The following EWSR1 variants were observed in gnomAD, a reference collection of about 807,000 sequenced individuals.
EWSR1 encodes EWS RNA binding protein 1.
EWSR1 carries 14 observed loss-of-function variants against 92.1 expected under a neutral mutation model. The observed-to-expected ratio is 0.15, with a 90% CI of 0.10 to 0.24. The LOEUF is 0.24. Among genes scored for constraint, EWSR1 ranks in the 10% least tolerant of loss-of-function variants. The pLI is 1.00. For synonymous variants in EWSR1, 303 were observed against 292.9 expected, an observed-to-expected ratio of 1.03 and a Z score of -0.35; for missense variants, 637 against 870.9, an observed-to-expected ratio of 0.73 and a Z score of 3.38.
chr22:29,300,331 A>G lies in EWSR1; in HGVS notation c.*170A>G, dbSNP rs573094995. On this transcript the variant is annotated 3_prime_UTR_variant, in exon 17 of 17. Coordinates refer to ENST00000397938, the MANE Select transcript of EWSR1 (RefSeq NM_005243.4). The stretch of plus-strand genomic sequence containing the variant: ...GTGAAGAAACATTAAAACAAGTTAA[A>G]TGGTAGTGTGCGGAGTTTTTTTTTC... 1.9e-5 allele frequency: 13 copies of G among 678,738 alleles called. No homozygotes were observed. Among genetic ancestry groups the G allele is most frequent in the Non-Finnish European group, 3.1e-5 (13 of 415,032 alleles). The allele number at this position is 678,738 out of a possible 1,614,324, so 42.0% of individuals were successfully genotyped here. A position where few individuals can be genotyped will look rare whatever the true frequency, so the allele number is the denominator to read the frequency against.
chr22:29,277,457 A>G (rs2059210832), intron 4 of EWSR1: 1 of 225,390 alleles, frequency 4.4e-6, no homozygotes, highest in East Asian at 6.5e-5. Context: ...TCATGTGCTC[A>G]AGTAATTAAG....
chr22:29,291,514 A>G (rs2060440372), intron 8 of EWSR1, 48 bp from the exon 9 acceptor site: 1 of 1,601,526 alleles, frequency 6.2e-7, no homozygotes, highest in African/African-American at 1.3e-5. Context: ...TCAGAGCGGT[A>G]CTGGCTTTTA....
Position 29,287,081 on chromosome 22 carries a change from A to G in EWSR1, c.740A>G (p.Tyr247Cys), listed in dbSNP as rs373676771. 8.7e-6 allele frequency: 14 copies of G among 1,613,936 alleles called. No individual in the cohort carries two copies. Among genetic ancestry groups the G allele is most frequent in the African/African-American group, 5.3e-5 (4 of 74,920 alleles). The change falls in exon 7 of 17, where the codon TAC becomes TGC. Residue 247 changes from tyrosine (Y) to cysteine (C), a missense_variant. Around this residue, in one of 5 missense-constraint regions of EWSR1, gnomAD observed 116 missense variants for 167.8 expected, o/e 0.69. Transcript: ENST00000397938. ...PTSYPPQTGSYSQAPSQYSQQ... is the reference protein window; with the variant it reads ...PTSYPPQTGSCSQAPSQYSQQ... The stretch of plus-strand genomic sequence containing the variant: ...AGTTACCCACCCCAAACTGGATCCT[A>G]CAGCCAAGCTCCAAGTCAATATAGC...
At chr22:29,268,555 T>TGGCGCGCGGGGGGCTTGCTGCGGCGGG (rs1399731773) in intron 1 of EWSR1, among the ~76,000 whole-genome samples, 2 of 152,052 alleles carry the variant, frequency 1.3e-5, no homozygotes, top group African/African-American at 4.8e-5. Flanking sequence ...CCGGCGCCCG[T>TGGCGCGCGGGGGGCTTGCTGCGGCGGG]GGCGCGCGGG....
In EWSR1 at chr22:29,298,811, C is replaced by T; in HGVS notation, c.1496C>T (p.Pro499Leu). The part of the protein sequence containing the change: ...GRGGDRGGFP[P>L]RGPRGSRGNP... ...GGAGGAGATAGAGGAGGCTTCCCTC[C>T]AAGAGGACCCCGGGGTTCCCGAGGG... Residue 499 changes from proline to leucine, a missense_variant, in exon 14 of 17, where the codon CCA becomes CTA. By Grantham distance (98) the Pro-to-Leu change is moderately conservative. Coordinates refer to ENST00000397938, the MANE Select transcript of EWSR1 (RefSeq NM_005243.4). The T allele has an allele frequency of 6.2e-7, 1 of 1,608,520 alleles. No individual in the cohort carries two copies. The highest frequency in any genetic ancestry group is 8.5e-7 in the Non-Finnish European group (1 of 1,178,390).
intron 7 of EWSR1, among the ~76,000 whole-genome samples, 182 bp from the exon 8 acceptor site, chr22:29,288,424 T>A (rs997537915): frequency 4.6e-5 from 7 of 152,260 alleles, no homozygotes; most frequent in African/African-American, 1.7e-4. Context: ...TCAGCTGTGA[T>A]GATCCAGCAG....
chr22:29,291,673 T>G (rs1444468592), intron 9 of EWSR1, 74 bp downstream of exon 9: 11 of 1,395,144 alleles, frequency 7.9e-6, no homozygotes, highest in Non-Finnish European at 1.1e-5. Flanking sequence ...TATAATTTTT[T>G]TATTAGTTTC....
rs763891504 is a variant in EWSR1 at position 29,300,152 on chromosome 22, G to T, written c.1962G>T (p.Arg654=). ...AGCACCGTCAGGAGCGCAGAGATCG[G>T]CCCTACTAGATGCAGAGACCCCGCA... ...KGEHRQERRD[R]PY The change falls in exon 17 of 17, where the codon CGG becomes CGT. Residue 654 remains arginine, a synonymous_variant. Transcript: ENST00000397938. 2.5e-6 allele frequency: 4 copies of T among 1,603,896 alleles called. No individual in the cohort carries two copies. In the Admixed American group the frequency reaches 6.8e-5, roughly 27 times the overall value.
intron 12 of EWSR1, 137 bp downstream of exon 12, chr22:29,296,505 TAG>T: frequency 1.1e-6 from 1 of 901,088 alleles, no homozygotes; most frequent in African/African-American, 1.7e-5. Context: ...CCTGCAGTAG[TAG>T]TAGCACCCAG....
intron 3 of EWSR1, 131 bp from the exon 4 acceptor site, chr22:29,273,608 TTG>T: frequency 1.0e-6 from 1 of 964,072 alleles, no homozygotes; most frequent in Non-Finnish European, 1.5e-6. Context: ...TCTTGTTTTG[TTG>T]TTTTTGTTTT....
chr22:29,284,124 G>T (rs772227407), intron 6 of EWSR1, among the ~76,000 whole-genome samples: 6 of 151,178 alleles, frequency 4.0e-5, no homozygotes, highest in Non-Finnish European at 7.4e-5. Flanking sequence ...ATGAGCCACT[G>T]CGCCTGGCCC....
chr22:29,294,680 C>T (rs1391714213), intron 11 of EWSR1, among the ~76,000 whole-genome samples: 1 of 151,192 alleles, frequency 6.6e-6, no homozygotes, highest in Non-Finnish European at 1.5e-5. Context: ...CTATGGGAGG[C>T]CGAGGTGGGT....
At chr22:29,288,484 G>A (rs2060216104) in intron 7 of EWSR1, 122 bp from the exon 8 acceptor site, 1 of 877,248 alleles carries the variant, frequency 1.1e-6, no homozygotes, top group Non-Finnish European at 1.7e-6. Flanking sequence ...TTATCGTGAT[G>A]TAAAGAAGAT....
At chr22:29,274,835 A>T (rs560459990) in intron 4 of EWSR1, among the ~76,000 whole-genome samples, 1 of 152,204 alleles carries the variant, frequency 6.6e-6, no homozygotes, top group Non-Finnish European at 1.5e-5. Flanking sequence ...TGAAAAACCT[A>T]TGATAATTTT....
intron 11 of EWSR1, among the ~76,000 whole-genome samples, chr22:29,293,510 A>C: frequency 6.6e-6 from 1 of 151,386 alleles, no homozygotes; most frequent in East Asian, 1.9e-4. Context: ...TTTTTATGAT[A>C]CTGAGTGATC....
intron 5 of EWSR1, among the ~76,000 whole-genome samples, chr22:29,281,181 T>C (rs1350007268): frequency 6.6e-6 from 1 of 151,688 alleles, no homozygotes; most frequent in Non-Finnish European, 1.5e-5. Flanking sequence ...TACCAGCCAA[T>C]TTTTTGTATT....
rs58047811 is a variant in EWSR1, at chr22:29,292,219, G to A, written c.1045+50G>A. The A allele has an allele frequency of 2.9e-4, 444 of 1,549,060 alleles. 2 individuals carry two copies. The African/African-American group carries it at 5.5e-3, about 19-fold the overall frequency. Reference sequence around the variant, plus strand: ...TCATATCGTGCTTTGTAAATTAATGGTACAGAGGTAAATGCATGCGTAGAG... The same window carrying A: ...TCATATCGTGCTTTGTAAATTAATGATACAGAGGTAAATGCATGCGTAGAG... On this transcript the variant is annotated intron_variant, in intron 10 of 16. Transcript: ENST00000397938.
At chr22:29,296,655 G>C (rs1436477567) in intron 12 of EWSR1, among the ~76,000 whole-genome samples, 2 of 152,190 alleles carry the variant, frequency 1.3e-5, no homozygotes, top group African/African-American at 4.8e-5. Context: ...ATCTTAGCCA[G>C]TGTACATTTG....
At chr22:29,277,731 C>T in intron 4 of EWSR1, 2 of 335,646 alleles carry the variant, frequency 6.0e-6, no homozygotes, top group Non-Finnish European at 1.1e-5. Context: ...GACTTGTCTC[C>T]TATTCACAGC....
Sources: allele counts gnomAD v4.1 joint callset (sites outside exome capture counted in the v4.1 genomes callset), GRCh38; gene constraint gnomAD v4.1.1; regional missense constraint gnomAD v4.1.1; transcripts MANE v1.5; gene names NCBI Gene and HGNC (gene_info 2026-07-23, HGNC 2026-07-21).